SYT13: variants seen among roughly 807,000 people sequenced by gnomAD.
SYT13 encodes the protein synaptotagmin 13.
In SYT13, 21 loss-of-function variants were observed where a neutral mutation model predicts 38.6. The ratio of observed to expected loss-of-function variants is 0.54; its 90% CI spans 0.39 to 0.78. SYT13 has a LOEUF of 0.78. Ranked by LOEUF, SYT13 falls within the 30% of genes least tolerant of loss-of-function variation. The pLI is 0.00. For missense variants in SYT13, 495 were observed against 548.7 expected (o/e 0.90, Z 0.98); for synonymous variants, 241 against 237.6 (o/e 1.01, Z -0.13).
chr11:45,250,862 A>G (rs765179550), intron 4 of SYT13, among the ~76,000 whole-genome samples: 6 of 152,162 alleles, frequency 3.9e-5, no homozygotes, highest in Non-Finnish European at 7.4e-5. Flanking sequence ...CATATTTGTC[A>G]GGTGGCTTTC....
intron 1 of SYT13, among the ~76,000 whole-genome samples, chr11:45,258,784 G>A (rs1164665044): frequency 6.6e-6 from 1 of 152,070 alleles, no homozygotes; most frequent in African/African-American, 2.4e-5. Context: ...CCGGGCTTGG[G>A]GGAGTAAAAG....
chr11:45,286,266 C>T lies in SYT13; in HGVS notation c.-59G>A. On this transcript the variant is annotated 5_prime_UTR_variant, in exon 1 of 6. Transcript: ENST00000020926. Reference sequence around the variant, plus strand: ...AGCCGCTCACCTTCCCCGGGCCGGGCCCGCCTCCAGGCAGCTCCCGGGATC... The same window carrying T: ...AGCCGCTCACCTTCCCCGGGCCGGGTCCGCCTCCAGGCAGCTCCCGGGATC... 6.8e-7 allele frequency: 1 copy of T among 1,468,014 alleles called. No individual in the cohort carries two copies. The highest frequency in any genetic ancestry group is 9.0e-7 in the Non-Finnish European group (1 of 1,112,628). 90.9% of individuals were successfully genotyped at this position (1,468,014 alleles called of 1,614,324 possible).
intron 1 of SYT13, among the ~76,000 whole-genome samples, chr11:45,276,380 A>G (rs1187188245): frequency 2.0e-5 from 3 of 152,234 alleles, no homozygotes; most frequent in Non-Finnish European, 4.4e-5. Flanking sequence ...AGAGTTGAAC[A>G]ATGAGAACAC....
chr11:45,268,142 A>T (rs923093552), intron 1 of SYT13, among the ~76,000 whole-genome samples: 1 of 152,206 alleles, frequency 6.6e-6, no homozygotes, highest in Non-Finnish European at 1.5e-5. Flanking sequence ...CAACCCGGCC[A>T]GGATGAGACA....
At chr11:45,269,921 G>C (rs1477666403) in intron 1 of SYT13, among the ~76,000 whole-genome samples, 3 of 152,160 alleles carry the variant, frequency 2.0e-5, no homozygotes, top group Non-Finnish European at 4.4e-5. Context: ...CTGAACAAAG[G>C]CAATGTCAAG....
Position 45,241,513 on chromosome 11 carries a change from G to GCA in SYT13, c.*2538_*2539insTG, listed in dbSNP as rs1554978724. 5.0e-5 allele frequency: 6 copies of GCA among 119,768 alleles called. No homozygotes were observed. In the South Asian group the frequency reaches 1.3e-3, roughly 26 times the overall value. The allele number at this position is 119,768 out of a possible 1,614,324, so 7.4% of individuals were successfully genotyped here. On this transcript the variant is annotated 3_prime_UTR_variant, in exon 6 of 6. Coordinates refer to ENST00000020926, the MANE Select transcript of SYT13 (RefSeq NM_020826.3). ...AACTTTGAGATCCCTCCCCCGCCCC[G>GCA]CCCCCCCAAAAAAAAGAAGAAGAAG...
chr11:45,275,233 C>T (rs78115491), intron 1 of SYT13, among the ~76,000 whole-genome samples: 4,774 of 152,242 alleles, frequency 0.031, 124 homozygotes, highest in African/African-American at 0.074. Flanking sequence ...GCTCAACTTT[C>T]TGTGACAGAA....
At chr11:45,249,713 C>G (rs1288498414) in intron 4 of SYT13, among the ~76,000 whole-genome samples, 6 of 151,998 alleles carry the variant, frequency 3.9e-5, no homozygotes, top group African/African-American at 1.5e-4. Context: ...ATCACTTGGA[C>G]ACAGGGAGGG....
At chr11:45,273,795 C>T (rs1854978274) in intron 1 of SYT13, among the ~76,000 whole-genome samples, 1 of 152,216 alleles carries the variant, frequency 6.6e-6, no homozygotes, top group Admixed American at 6.5e-5. Context: ...AGACACGTTT[C>T]ATTTATCACG....
At position 45,283,096 on chromosome 11, in the gene SYT13, C is replaced by T. The variant is rs185011857; in HGVS notation, c.183+2929G>A. 2.0e-4 allele frequency among the ~76,000 whole-genome samples: 31 copies of T among 152,258 alleles called. No individual in the cohort carries two copies. In the East Asian group the frequency reaches 4.2e-3, roughly 21 times the overall value. Reference sequence around the variant, plus strand: ...CCAGGAAGTCAAGACTTCAGTGAGCCGTGATCACACCACTGCACTCCAGCC... The same window carrying T: ...CCAGGAAGTCAAGACTTCAGTGAGCTGTGATCACACCACTGCACTCCAGCC... On this transcript the variant is annotated intron_variant, in intron 1 of 5. Transcript: ENST00000020926.
chr11:45,271,131 C>T (rs553743033), intron 1 of SYT13, among the ~76,000 whole-genome samples: 2 of 152,146 alleles, frequency 1.3e-5, no homozygotes, highest in African/African-American at 4.8e-5. Context: ...GCTAATTGAT[C>T]GAAGCATTCT....
Position 45,252,375 on chromosome 11 carries a change from T to C in SYT13, c.846+46A>G, listed in dbSNP as rs748567611. 1.3e-6 allele frequency: 2 copies of C among 1,514,522 alleles called. No individual in the cohort carries two copies. Among genetic ancestry groups the C allele is most frequent in the African/African-American group, 1.4e-5 (1 of 72,850 alleles). The allele number at this position is 1,514,522 out of a possible 1,614,324, so 93.8% of individuals were successfully genotyped here. On this transcript the variant is annotated intron_variant, in intron 4 of 5. Coordinates refer to ENST00000020926, the MANE Select transcript of SYT13 (RefSeq NM_020826.3). This position sits in a 1 kb window ranked among gnomAD's most constrained non-coding sequence, Gnocchi z 4.3. The stretch of plus-strand genomic sequence containing the variant: ...GAGGACACCAGGTTCTGCCATCCCA[T>C]GCTGCACGGGCAGGTTTTACCTTTC...
chr11:45,250,840 C>T (rs1458198356), intron 4 of SYT13, among the ~76,000 whole-genome samples: 1 of 152,186 alleles, frequency 6.6e-6, no homozygotes, highest in Admixed American at 6.5e-5. Context: ...AAGGTGCCTG[C>T]TGGTCACACC....
Position 45,244,113 on chromosome 11 carries a change from C to T in SYT13, c.1220G>A (p.Trp407Ter). ...LHTSGSERSHWEEMLKNPRRQ... is the reference protein window; with the variant it reads ...LHTSGSERSH Reference sequence around the variant, plus strand: ...GCGAGGGTTTTTGAGCATCTCCTCCCAGTGGCTGCGCTCAGAGCCCGAGGT... The same window carrying T: ...GCGAGGGTTTTTGAGCATCTCCTCCTAGTGGCTGCGCTCAGAGCCCGAGGT... Residue 407 changes from tryptophan to a stop codon, truncating the protein, a stop_gained, in exon 6 of 6, where the codon TGG (tryptophan) becomes TAG (stop). Coordinates refer to ENST00000020926, the MANE Select transcript of SYT13 (RefSeq NM_020826.3). LOFTEE classifies it high-confidence loss of function. 6.2e-7 allele frequency: 1 copy of T among 1,612,422 alleles called. No homozygotes were observed. Among genetic ancestry groups the T allele is most frequent in the Non-Finnish European group, 8.5e-7 (1 of 1,179,624 alleles).
chr11:45,257,353 G>A (rs1302665709), intron 1 of SYT13, among the ~76,000 whole-genome samples: 2 of 152,218 alleles, frequency 1.3e-5, no homozygotes, highest in Admixed American at 6.5e-5. Context: ...TGGGTGGGCA[G>A]CCCATAAAAA....
Position 45,243,884 on chromosome 11 carries a change from CT to C in SYT13, c.*167del, listed in dbSNP as rs1854582025. Reference sequence around the variant, plus strand: ...TGACCCGCATATTCCATTTCCTGCTCTGTCTTGCTTATTTCTAAGAAACAAG... The same window carrying C: ...TGACCCGCATATTCCATTTCCTGCTCGTCTTGCTTATTTCTAAGAAACAAG... On this transcript the variant is annotated 3_prime_UTR_variant, in exon 6 of 6. Transcript: ENST00000020926. 1.4e-6 allele frequency: 1 copy of C among 698,642 alleles called. No individual in the cohort carries two copies. Among genetic ancestry groups the C allele is most frequent in the Admixed American group, 2.8e-5 (1 of 35,150 alleles). 43.3% of individuals were successfully genotyped at this position (698,642 alleles called of 1,614,324 possible).
chr11:45,278,118 G>A (rs1267057259), intron 1 of SYT13, among the ~76,000 whole-genome samples: 1 of 152,148 alleles, frequency 6.6e-6, no homozygotes, highest in Non-Finnish European at 1.5e-5. Flanking sequence ...AGTTATAGGG[G>A]ACCCTTTGTG....
At position 45,244,015 on chromosome 11, in the gene SYT13, C is replaced by A. The variant is rs762844394; in HGVS notation, c.*37G>T. 4 of 1,562,410 alleles carry A rather than the reference C, an allele frequency of 2.6e-6. No homozygotes were observed. Among genetic ancestry groups the A allele is most frequent in the East Asian group, 4.5e-5 (2 of 44,456 alleles). On this transcript the variant is annotated 3_prime_UTR_variant, in exon 6 of 6. Coordinates refer to ENST00000020926, the MANE Select transcript of SYT13 (RefSeq NM_020826.3). ...AGAAAGGAGGTTGCAGAGGACGGGT[C>A]AGGGCTGTCCAAGAAGGGAGGCAGC...
At chr11:45,248,887 TG>T (rs1854642936) in intron 4 of SYT13, among the ~76,000 whole-genome samples, 2 of 152,356 alleles carry the variant, frequency 1.3e-5, no homozygotes, top group East Asian at 3.9e-4. Flanking sequence ...ACCTGCTCCC[TG>T]GGCACTGCTG....
Sources: allele counts gnomAD v4.1 joint callset (sites outside exome capture counted in the v4.1 genomes callset), GRCh38; gene constraint gnomAD v4.1.1; non-coding constraint Gnocchi (gnomAD v3.1); transcripts MANE v1.5; gene names NCBI Gene and HGNC (gene_info 2026-07-23, HGNC 2026-07-21).